The following SMARCC1 variants were observed in gnomAD, a reference collection of about 807,000 sequenced individuals.
SMARCC1 encodes the protein SWI/SNF related BAF chromatin remodeling complex subunit C1.
A neutral mutation model predicts 147.4 loss-of-function variants in SMARCC1; 43 were observed. That is an observed-to-expected ratio of 0.29 (90% CI 0.23 to 0.38). The LOEUF (loss-of-function observed/expected upper bound fraction) is 0.38. Ranked by LOEUF, SMARCC1 falls within the 10% of genes least tolerant of loss-of-function variation. The pLI is 1.00. For synonymous variants in SMARCC1, 495 were observed against 484.4 expected (o/e 1.02, Z -0.29); for missense variants, 1,119 against 1,381.1 (o/e 0.81, Z 3.01).
intron 2 of SMARCC1, among the ~76,000 whole-genome samples, chr3:47,755,568 T>C (rs2034686443): frequency 7.1e-6 from 1 of 140,902 alleles, no homozygotes; most frequent in Non-Finnish European, 1.5e-5. Flanking sequence ...AAGTTTAAAA[T>C]GTAAAACAGG....
intron 12 of SMARCC1, 107 bp downstream of exon 12, chr3:47,693,134 A>G (rs1297172751): frequency 2.7e-6 from 2 of 748,692 alleles, no homozygotes; most frequent in African/African-American, 3.5e-5. Flanking sequence ...ACACCACTGC[A>G]CTCCAGCCTG....
intron 25 of SMARCC1, among the ~76,000 whole-genome samples, chr3:47,619,825 A>T (rs2032701082): frequency 6.6e-6 from 1 of 152,202 alleles, no homozygotes; most frequent in African/African-American, 2.4e-5. Flanking sequence ...CTACTGAAGC[A>T]GCCTCTTCCT....
chr3:47,636,186 G>C (rs1261681527), intron 22 of SMARCC1, 50 bp from the exon 23 acceptor site: 1 of 985,034 alleles, frequency 1.0e-6, no homozygotes, highest in African/African-American at 1.6e-5. Flanking sequence ...AAAAACCCCA[G>C]ACCTTTTTAT....
chr3:47,609,586 C>T (rs2032533421), intron 26 of SMARCC1, among the ~76,000 whole-genome samples: 1 of 152,218 alleles, frequency 6.6e-6, no homozygotes, highest in African/African-American at 2.4e-5. Context: ...AAAACAGACT[C>T]TAAAATGTTG....
chr3:47,631,856 C>T (rs1385579735), intron 24 of SMARCC1, among the ~76,000 whole-genome samples: 2 of 151,984 alleles, frequency 1.3e-5, no homozygotes, highest in Admixed American at 1.3e-4. Context: ...AATTCCTTAC[C>T]CCCCTAATTA....
chr3:47,703,525 G>T lies in SMARCC1; in HGVS notation c.1041-2123C>A, dbSNP rs557167045. On this transcript the variant is annotated intron_variant, in intron 10 of 27. Coordinates refer to ENST00000254480, the MANE Select transcript of SMARCC1 (RefSeq NM_003074.4). ...AAAAATAAATAAATAAAATAATAAA[G>T]AAAGACAATGCTTCAGGATGTAGAA... Among the ~76,000 whole-genome samples the T allele has an allele frequency of 2.0e-4, 30 of 151,852 alleles. No individual in the cohort carries two copies. In the South Asian group the frequency reaches 6.0e-3, roughly 30 times the overall value.
intron 24 of SMARCC1, among the ~76,000 whole-genome samples, chr3:47,624,564 G>GT (rs1297015571): frequency 1.2e-4 from 18 of 152,186 alleles, no homozygotes; most frequent in Non-Finnish European, 1.6e-4. Context: ...ATAGCAATCT[G>GT]TAACAGTGTG....
At chr3:47,659,982 G>C (rs1359087319) in intron 21 of SMARCC1, among the ~76,000 whole-genome samples, 1 of 152,054 alleles carries the variant, frequency 6.6e-6, no homozygotes, top group African/African-American at 2.4e-5. Context: ...AAATGGTATA[G>C]CCACTATGAA....
chr3:47,730,641 G>A (rs1048203778), intron 5 of SMARCC1, among the ~76,000 whole-genome samples: 14 of 152,144 alleles, frequency 9.2e-5, no homozygotes, highest in Non-Finnish European at 1.9e-4. Flanking sequence ...CAAGGTGGGT[G>A]GATCACCTGA....
chr3:47,701,515 T>C (rs756255566), intron 10 of SMARCC1, 113 bp from the exon 11 acceptor site: 106 of 1,042,136 alleles, frequency 1.0e-4, no homozygotes, highest in Non-Finnish European at 1.5e-4. Flanking sequence ...TCAAGATCAC[T>C]TTAAAAGACA....
chr3:47,623,018 A>G (rs1441964140), intron 24 of SMARCC1, among the ~76,000 whole-genome samples: 1 of 151,958 alleles, frequency 6.6e-6, no homozygotes, highest in African/African-American at 2.4e-5. Flanking sequence ...CTAGTAATCA[A>G]TCCCACCCTC....
chr3:47,659,760 A>AGGGGGGGGGGG (rs71619691), intron 21 of SMARCC1, among the ~76,000 whole-genome samples: 1 of 47,776 alleles, frequency 2.1e-5, no homozygotes, highest in Non-Finnish European at 3.7e-5. Context: ...GAAAAAAAAA[A>AGGGGGGGGGGG]GGGGGGGGGG....
intron 21 of SMARCC1, among the ~76,000 whole-genome samples, chr3:47,652,190 G>A (rs1239029436): frequency 6.6e-6 from 1 of 152,070 alleles, no homozygotes; most frequent in African/African-American, 2.4e-5. Flanking sequence ...TGACCAGGCT[G>A]GTCTCGAAAT....
At chr3:47,686,625 GT>G (rs2033727058) in intron 13 of SMARCC1, among the ~76,000 whole-genome samples, 1 of 151,802 alleles carries the variant, frequency 6.6e-6, no homozygotes, top group Admixed American at 6.6e-5. Flanking sequence ...ATATTGAAAT[GT>G]TTTACAATTT....
At chr3:47,739,494 GTTCT>G (rs1304082048) in intron 3 of SMARCC1, among the ~76,000 whole-genome samples, 1 of 151,988 alleles carries the variant, frequency 6.6e-6, no homozygotes, top group East Asian at 1.9e-4. Flanking sequence ...TCAGGTAACT[GTTCT>G]TTATTTTTAT....
At chr3:47,635,428 T>G in intron 23 of SMARCC1, 84 bp from the exon 24 acceptor site, 1 of 1,158,690 alleles carries the variant, frequency 8.6e-7, no homozygotes, top group Non-Finnish European at 1.3e-6. Flanking sequence ...TATAACAAAC[T>G]AGGACTGATA....
intron 21 of SMARCC1, among the ~76,000 whole-genome samples, chr3:47,653,293 C>A (rs949885185): frequency 2.0e-5 from 3 of 152,284 alleles, no homozygotes; most frequent in South Asian, 4.1e-4. Context: ...TCATATATTT[C>A]TTTTCTTATC....
intron 2 of SMARCC1, among the ~76,000 whole-genome samples, chr3:47,758,310 G>A (rs1390126576): frequency 3.3e-5 from 5 of 151,552 alleles, no homozygotes; most frequent in Non-Finnish European, 7.4e-5. Context: ...CTGTAGAGAT[G>A]TGGTCTCACT....
At chr3:47,634,975 T>C (rs560444406) in intron 24 of SMARCC1, among the ~76,000 whole-genome samples, 2 of 152,332 alleles carry the variant, frequency 1.3e-5, no homozygotes, top group African/African-American at 4.8e-5. Context: ...CTAAATGGTA[T>C]AATGAATGGA....
Sources: gnomAD v4.1 joint callset for allele counts (sites outside exome capture counted in the v4.1 genomes callset) on GRCh38, gnomAD v4.1.1 for gene constraint, MANE v1.5 for transcripts, NCBI Gene and HGNC (gene_info 2026-07-23, HGNC 2026-07-21) for gene names.